The following SLC6A19 variants were observed in gnomAD, a reference collection of about 807,000 sequenced individuals.
SLC6A19 encodes the protein solute carrier family 6 member 19, also known as sodium-dependent neutral amino acid transporter B(0)AT1.
Under a neutral mutation model 68.3 loss-of-function variants are expected in SLC6A19, and 67 were observed. The ratio of observed to expected loss-of-function variants is 0.98; its 90% confidence interval spans 0.81 to 1.20. The LOEUF (loss-of-function observed/expected upper bound fraction) is 1.20, where lower values mean the gene tolerates loss of function less well. Among genes scored for constraint, SLC6A19 ranks in the 50% most tolerant of loss-of-function variants. The pLI, the probability that SLC6A19 is intolerant of heterozygous loss-of-function variation, is 0.00. For synonymous variants in SLC6A19, 392 were observed against 374.9 expected (o/e 1.05, Z -0.53); for missense variants, 813 against 851.6 (o/e 0.95, Z 0.56).
In SLC6A19 at chr5:1,209,884, C is replaced by T. The variant is rs1318625003; in HGVS notation, c.344-560C>T. Among the ~76,000 whole-genome samples, 1 of 152,234 alleles carries T rather than the reference C, an allele frequency of 6.6e-6. No homozygotes were observed. The highest frequency in any genetic ancestry group is 1.5e-5 in the Non-Finnish European group (1 of 68,046). ...TCAGTAAAGCATGTACTACATAGCA[C>T]ACTTTCCATCCTGCCTAGCTGTCCC... On this transcript the variant is annotated intron_variant, in intron 2 of 11. Coordinates refer to ENST00000304460, the MANE Select transcript of SLC6A19 (RefSeq NM_001003841.3). This position sits in a 1 kb window ranked among gnomAD's most constrained non-coding sequence, Gnocchi z 5.5.
rs777483262 is a variant in SLC6A19, at chr5:1,222,269, C to CGT, written c.*373_*374dup. 1.8e-6 allele frequency: 1 copy of CGT among 554,098 alleles called. No homozygotes were observed. The highest frequency in any genetic ancestry group is 2.9e-5 in the East Asian group (1 of 34,934). 34.3% of individuals were successfully genotyped at this position (554,098 alleles called of 1,614,324 possible). A position where few individuals can be genotyped will look rare whatever the true frequency, so the allele number is the denominator to read the frequency against. On this transcript the variant is annotated 3_prime_UTR_variant, in exon 12 of 12. Transcript: ENST00000304460. ...ATACATGTGTGCGATATTTGCTGCC[C>CGT]GTGTGTGTGCATGTATATATAGACA... is the stretch of plus-strand genomic sequence containing the variant.
rs1746407045 is a variant in SLC6A19, at chr5:1,222,210, T to G, written c.*306T>G. On this transcript the variant is annotated 3_prime_UTR_variant, in exon 12 of 12. Transcript: ENST00000304460. ...TGTTGTGTGTGTGCATGTACATGTATGGACATTGTGTGAGTGTGCAAGTGT... is the reference window on the plus strand; with the variant it reads ...TGTTGTGTGTGTGCATGTACATGTAGGGACATTGTGTGAGTGTGCAAGTGT... 1.7e-6 allele frequency: 1 copy of G among 589,814 alleles called. No individual in the cohort carries two copies. Among genetic ancestry groups the G allele is most frequent in the Non-Finnish European group, 3.0e-6 (1 of 331,548 alleles). 36.5% of individuals were successfully genotyped at this position (589,814 alleles called of 1,614,324 possible). A position where few individuals can be genotyped will look rare whatever the true frequency, so the allele number is the denominator to read the frequency against.
intron 1 of SLC6A19, among the ~76,000 whole-genome samples, chr5:1,202,501 G>A (rs1212150796): frequency 1.3e-5 from 2 of 152,206 alleles, no homozygotes; most frequent in Non-Finnish European, 2.9e-5. Context: ...CAGTGGTCCT[G>A]AGCATCTGAG....
rs566243131 is a variant in SLC6A19 at position 1,222,558 on chromosome 5, G to A, written c.*654G>A. The A allele has an allele frequency of 2.7e-6, 1 of 374,890 alleles. No homozygotes were observed. Among genetic ancestry groups the A allele is most frequent in the Admixed American group, 4.2e-5 (1 of 23,612 alleles). 23.2% of individuals were successfully genotyped at this position (374,890 alleles called of 1,614,324 possible). On this transcript the variant is annotated 3_prime_UTR_variant, in exon 12 of 12. Transcript: ENST00000304460. ...GTGTGTATACGTGTGTTGTGTATAT[G>A]TGTGTGTCTGTACCTGTTTGTGTAT... is the stretch of plus-strand genomic sequence containing the variant.
intron 3 of SLC6A19, among the ~76,000 whole-genome samples, chr5:1,211,651 C>T (rs554087620): frequency 4.5e-4 from 69 of 151,664 alleles, no homozygotes; most frequent in Non-Finnish European, 5.5e-4. Flanking sequence ...GCTGTGTGTG[C>T]ATGCATGTGT....
In SLC6A19 at chr5:1,213,468, G is replaced by T; in HGVS notation, c.669G>T (p.Val223=). 6.2e-7 allele frequency: 1 copy of T among 1,600,340 alleles called. No homozygotes were observed. The highest frequency in any genetic ancestry group is 8.5e-7 in the Non-Finnish European group (1 of 1,176,478). Residue 223 remains valine, a synonymous_variant, in exon 5 of 12, where the codon GTG becomes GTT. Transcript: ENST00000304460. ...ACATGTCCCGCCCTCCGCAGGCCGTGTACATCACCTCCACGCTGCCCTATG... is the reference window on the plus strand; with the variant it reads ...ACATGTCCCGCCCTCCGCAGGCCGTTTACATCACCTCCACGCTGCCCTATG... ...IRGIETTGKA[V]YITSTLPYVV... is the part of the protein sequence containing the mutation.
chr5:1,212,615 G>C lies in SLC6A19; in HGVS notation c.663+131G>C. On this transcript the variant is annotated intron_variant, in intron 4 of 11. Coordinates refer to ENST00000304460, the MANE Select transcript of SLC6A19 (RefSeq NM_001003841.3). This position sits in a 1 kb window ranked among gnomAD's most constrained non-coding sequence, Gnocchi z 5.1. ...TCTGCCTTTCCCCAGACCCCACCAA[G>C]AGAGCTGCCTTTGCCCTTAGGCTCA... The C allele has an allele frequency of 8.3e-7, 1 of 1,202,574 alleles. No individual in the cohort carries two copies. The highest frequency in any genetic ancestry group is 1.2e-6 in the Non-Finnish European group (1 of 847,538). 74.5% of individuals were successfully genotyped at this position (1,202,574 alleles called of 1,614,324 possible). A position where few individuals can be genotyped will look rare whatever the true frequency, so the allele number is the denominator to read the frequency against.
At chr5:1,210,360 CTGGGA>C in intron 2 of SLC6A19, 79 bp from the exon 3 acceptor site, 1 of 1,585,646 alleles carries the variant, frequency 6.3e-7, no homozygotes, top group South Asian at 1.1e-5. Flanking sequence ...TGTGCCAGCC[CTGGGA>C]CCTCCTGCTC....
At chr5:1,207,040 C>T (rs1033566301) in intron 1 of SLC6A19, among the ~76,000 whole-genome samples, 2 of 152,232 alleles carry the variant, frequency 1.3e-5, no homozygotes, top group Non-Finnish European at 2.9e-5. Flanking sequence ...ACGGGAGCTG[C>T]TTCCGCGTCC....
chr5:1,219,167 C>T, intron 9 of SLC6A19, 60 bp downstream of exon 9: 1 of 1,520,688 alleles, frequency 6.6e-7, no homozygotes, highest in South Asian at 1.2e-5. Context: ...GATGGCAGCC[C>T]CCGGCTGTGT....
intron 1 of SLC6A19, among the ~76,000 whole-genome samples, chr5:1,204,810 G>A (rs944606644): frequency 1.3e-5 from 2 of 152,196 alleles, no homozygotes; most frequent in African/African-American, 4.8e-5. Flanking sequence ...GCTGCTCAAC[G>A]CCTGGCCCCG....
intron 10 of SLC6A19, among the ~76,000 whole-genome samples, chr5:1,220,930 C>G (rs2126514688): frequency 6.6e-6 from 1 of 152,320 alleles, no homozygotes; most frequent in African/African-American, 2.4e-5. Flanking sequence ...CCGTCGAGCA[C>G]TGGCTGGTGG....
At position 1,208,774 on chromosome 5, in the gene SLC6A19, G is replaced by C. The variant is rs1178383924; in HGVS notation, c.231G>C (p.Leu77=). The C allele has an allele frequency of 3.7e-6, 6 of 1,613,342 alleles. No homozygotes were observed. Among genetic ancestry groups the C allele is most frequent in the Non-Finnish European group, 5.1e-6 (6 of 1,180,022 alleles). The stretch of plus-strand genomic sequence containing the variant: ...CCTTCATGATCCCGTTCCTCATCCT[G>C]CTGGTCCTGGAGGGCATCCCCCTGC... ...GGAFMIPFLI[L]LVLEGIPLLY... Residue 77 remains leucine (L), a synonymous_variant, in exon 2 of 12, where the codon CTG becomes CTC. Transcript: ENST00000304460.
At chr5:1,206,057 G>A (rs777444698) in intron 1 of SLC6A19, among the ~76,000 whole-genome samples, 1 of 152,220 alleles carries the variant, frequency 6.6e-6, no homozygotes, top group Non-Finnish European at 1.5e-5. Context: ...CCTGTGTGGG[G>A]ATAGAGGTGC....
At chr5:1,210,309 C>G (rs561626985) in intron 2 of SLC6A19, 135 bp from the exon 3 acceptor site, 1 of 1,271,608 alleles carries the variant, frequency 7.9e-7, no homozygotes, top group African/African-American at 1.5e-5. Context: ...TGCACTGGGT[C>G]GGCCCCTCAG....
At chr5:1,208,456 G>A (rs1055158498) in intron 1 of SLC6A19, among the ~76,000 whole-genome samples, 1 of 152,154 alleles carries the variant, frequency 6.6e-6, no homozygotes, top group Non-Finnish European at 1.5e-5. Context: ...TGGTCAGAGC[G>A]CGTGAGGCAT....
chr5:1,220,555 T>C (rs1415540183), intron 10 of SLC6A19, among the ~76,000 whole-genome samples: 1 of 150,946 alleles, frequency 6.6e-6, no homozygotes, highest in Non-Finnish European at 1.5e-5. Flanking sequence ...CCTTGCCGGG[T>C]GTGAGGTGCA....
rs2126505719 is a variant in SLC6A19, at chr5:1,214,078, G to A, written c.887+13G>A. On this transcript the variant is annotated intron_variant, in intron 6 of 11. Transcript: ENST00000304460. This position sits in a 1 kb window ranked among gnomAD's most constrained non-coding sequence, Gnocchi z 7.4. ...ACAACTCTGTGCAGTGAGTGCGGGT[G>A]TGGTGGGCCTCAGTTTCCCTCTCAG... 1 of 1,613,732 alleles carries A rather than the reference G, an allele frequency of 6.2e-7. No homozygotes were observed. Among genetic ancestry groups the A allele is most frequent in the Non-Finnish European group, 8.5e-7 (1 of 1,179,964 alleles).
Position 1,213,573 on chromosome 5 carries a change from C to A in SLC6A19, c.774C>A (p.Asn258Lys). Residue 258 changes from asparagine (N) to lysine (K), a missense_variant and splice_region_variant, in exon 5 of 12, where the codon AAC becomes AAA. Physicochemically the swap from Asn to Lys is moderately conservative, Grantham distance 94. Transcript: ENST00000304460. ...GCATCGTCTTCCTCTTCACGCCCAA[C>A]GTAAGTCCCCGAGGCTGCCCTGGGC... ...TNGIVFLFTP[N>K]VTELAQPDTW... 2 of 1,611,530 alleles carry A rather than the reference C, an allele frequency of 1.2e-6. No homozygotes were observed. The highest frequency in any genetic ancestry group is 1.7e-6 in the Non-Finnish European group (2 of 1,179,214).
Sources: gnomAD v4.1 joint callset for allele counts (sites outside exome capture counted in the v4.1 genomes callset) on GRCh38, gnomAD v4.1.1 for gene constraint, Gnocchi (gnomAD v3.1) non-coding constraint, MANE v1.5 for transcripts, NCBI Gene and HGNC (gene_info 2026-07-23, HGNC 2026-07-21) for gene names.